SBF2: variants seen among roughly 807,000 people sequenced by gnomAD.
SBF2 encodes SET binding factor 2, also known as myotubularin-related protein 13.
A neutral mutation model predicts 225.2 loss-of-function variants in SBF2; 112 were observed. The observed-to-expected ratio is 0.50, with a 90% confidence interval of 0.43 to 0.58. The LOEUF is 0.58. Among genes scored for constraint, SBF2 ranks in the 20% least tolerant of loss-of-function variants. The pLI, the probability that SBF2 is intolerant of heterozygous loss-of-function variation, is 0.00. For synonymous variants in SBF2, 763 were observed against 773.3 expected, an observed-to-expected ratio of 0.99 and a Z score of 0.22; for missense variants, 1,996 against 2,206.2, an observed-to-expected ratio of 0.90 and a Z score of 1.91.
chr11:9,818,681 A>C (rs1854585411), intron 28 of SBF2, among the ~76,000 whole-genome samples: 1 of 152,222 alleles, frequency 6.6e-6, no homozygotes, highest in African/African-American at 2.4e-5. Flanking sequence ...TCAGGAGACC[A>C]GTTCCCAAGA....
At chr11:10,025,501 A>G (rs1949018130) in intron 6 of SBF2, among the ~76,000 whole-genome samples, 1 of 152,170 alleles carries the variant, frequency 6.6e-6, no homozygotes, top group Non-Finnish European at 1.5e-5. Context: ...GGCCCTTAGG[A>G]AAAAATGGTC....
intron 2 of SBF2, among the ~76,000 whole-genome samples, chr11:10,186,857 A>C (rs962511463): frequency 1.3e-5 from 2 of 152,238 alleles, no homozygotes; most frequent in African/African-American, 4.8e-5. Context: ...AACTGGGGGC[A>C]AAGACCAAAC....
intron 19 of SBF2, among the ~76,000 whole-genome samples, chr11:9,856,006 C>T (rs1314612035): frequency 6.6e-6 from 1 of 152,150 alleles, no homozygotes; most frequent in Non-Finnish European, 1.5e-5. Context: ...GCCTTGCAGG[C>T]CATGGTAAAC....
chr11:9,840,099 C>A (rs975063277), intron 25 of SBF2, among the ~76,000 whole-genome samples: 1 of 151,844 alleles, frequency 6.6e-6, no homozygotes, highest in Non-Finnish European at 1.5e-5. Context: ...CCAGGTGTGG[C>A]GGCAGGCACC....
At chr11:9,930,378 T>G (rs1041000061) in intron 16 of SBF2, among the ~76,000 whole-genome samples, 1 of 152,114 alleles carries the variant, frequency 6.6e-6, no homozygotes, top group Admixed American at 6.5e-5. Context: ...AATTACATAT[T>G]TGATTCCATT....
At chr11:9,974,672 GAAAA>G (rs1485564570) in intron 13 of SBF2, among the ~76,000 whole-genome samples, 1 of 139,726 alleles carries the variant, frequency 7.2e-6, no homozygotes, top group Non-Finnish European at 1.6e-5. Context: ...AAAAAAAAAA[GAAAA>G]GAAAGAAACC....
chr11:10,117,800 G>A (rs949992562), intron 2 of SBF2, among the ~76,000 whole-genome samples: 1 of 150,938 alleles, frequency 6.6e-6, no homozygotes, highest in African/African-American at 2.4e-5. Flanking sequence ...TTATACTTAT[G>A]CAATATGACT....
intron 17 of SBF2, among the ~76,000 whole-genome samples, chr11:9,859,341 T>C (rs138849900): frequency 7.9e-4 from 120 of 152,326 alleles, no homozygotes; most frequent in African/African-American, 2.8e-3. Flanking sequence ...TGAAAAAAAC[T>C]TGTATAACAT....
chr11:10,294,846 GGGCTGGCCTCT>G (rs1964433358), upstream of SBF2, among the ~76,000 whole-genome samples: 1 of 152,176 alleles, frequency 6.6e-6, no homozygotes, highest in Non-Finnish European at 1.5e-5. Flanking sequence ...CTCCCGAACT[GGGCTGGCCTCT>G]CCCTGGGGAG....
rs774083800 is a variant in SBF2, at chr11:9,993,985, T to C, written c.989A>G (p.Asp330Gly). Residue 330 changes from aspartate to glycine, a missense_variant, in exon 10 of 40, where the codon GAT becomes GGT. By Grantham distance (94) the Asp-to-Gly change is moderately conservative. Transcript: ENST00000256190. The stretch of plus-strand genomic sequence containing the variant: ...AAAAGCATGATCTGCTACTTCCAAA[T>C]CTGGGTGTAAAATCTAAAGCAAAAA... The part of the protein sequence containing the change: ...QSALSLILHP[D>G]LEVADHAFPP... 8 of 1,213,802 alleles carry C rather than the reference T, an allele frequency of 6.6e-6. No homozygotes were observed. In the African/African-American group the frequency reaches 1.0e-4, roughly 16 times the overall value. The allele number at this position is 1,213,802 out of a possible 1,614,324, so 75.2% of individuals were successfully genotyped here.
intron 1 of SBF2, among the ~76,000 whole-genome samples, chr11:10,301,170 A>T (rs1383304591): frequency 6.6e-6 from 1 of 152,296 alleles, no homozygotes; most frequent in East Asian, 1.9e-4. Context: ...TGCCCTTACC[A>T]CTATAAACCA....
chr11:9,940,200 G>A (rs1471992241), intron 16 of SBF2, among the ~76,000 whole-genome samples: 5 of 152,032 alleles, frequency 3.3e-5, no homozygotes, highest in East Asian at 1.9e-4. Context: ...TCAAGAGATC[G>A]AGACCATCCT....
intron 17 of SBF2, among the ~76,000 whole-genome samples, chr11:9,892,634 A>G (rs900619951): frequency 3.3e-5 from 5 of 151,146 alleles, no homozygotes; most frequent in African/African-American, 1.2e-4. Context: ...CTCTCGGTTC[A>G]TGGCAACCTC....
At position 10,161,206 on chromosome 11, in the gene SBF2, AAT is replaced by A. The variant is rs201996424; in HGVS notation, c.141+32694_141+32695del. On this transcript the variant is annotated intron_variant, in intron 2 of 39. Transcript: ENST00000256190. ...TCTCAAAAAAAAAAAAAAAAAAAAA[AAT>A]AGGTCATAAGAAAATAGCAGTTTTC... is the stretch of plus-strand genomic sequence containing the variant. Among the ~76,000 whole-genome samples the A allele has an allele frequency of 5.8e-3, 770 of 132,304 alleles. 21 individuals carry two copies. The highest frequency in any genetic ancestry group is 0.035 in the Admixed American group (451 of 13,038). The allele number at this position is 132,304 out of a possible 152,430, so 86.8% of individuals were successfully genotyped here.
rs778402812 is a variant in SBF2, at chr11:9,832,273, A to C, written c.3603T>G (p.His1201Gln). Residue 1201 changes from histidine to glutamine, a missense_variant, in exon 27 of 40, where the codon CAT becomes CAG. His to Gln is a conservative substitution (Grantham distance 24). Transcript: ENST00000256190. ...GTLLLRSGGF[H>Q]GKGVVGLFKS... ...TGAAAAGACCAACGACTCCCTTCCC[A>C]TGGAATCCTCCAGATCGGAGGAGCA... 8 of 1,614,198 alleles carry C rather than the reference A, an allele frequency of 5.0e-6. No homozygotes were observed. Among genetic ancestry groups the C allele is most frequent in the Non-Finnish European group, 2.5e-6 (3 of 1,180,028 alleles).
rs554666648 is a variant in SBF2 at position 9,967,890 on chromosome 11, G to C, written c.1600+451C>G. On this transcript the variant is annotated intron_variant, in intron 14 of 39. Transcript: ENST00000256190. ...AGATCACACCATTGTACTCCAGCCT[G>C]GGCAACAAGGGTGAAACTCAATCTG... 3.3e-5 allele frequency among the ~76,000 whole-genome samples: 5 copies of C among 151,344 alleles called. No individual in the cohort carries two copies. The East Asian group carries it at 9.7e-4, about 29-fold the overall frequency.
intron 16 of SBF2, among the ~76,000 whole-genome samples, chr11:9,913,597 G>T (rs1026113135): frequency 6.6e-6 from 1 of 151,416 alleles, no homozygotes; most frequent in Non-Finnish European, 1.5e-5. Flanking sequence ...AGAATTGCAT[G>T]GCAATGATGT....
rs1554898732 is a variant in SBF2 at position 9,784,419 on chromosome 11, A to G, written c.5251T>C (p.Tyr1751His). Reference protein sequence around the residue: ...DENRSFEGTLYKRGALLKGWK... With the variant: ...DENRSFEGTLHKRGALLKGWK... ...CCTTTCAGCAAAGCCCCTCTTTTATAAAGTGTTCCCTCAAAGGACCTAGAA... is the reference window on the plus strand; with the variant it reads ...CCTTTCAGCAAAGCCCCTCTTTTATGAAGTGTTCCCTCAAAGGACCTAGAA... The change falls in exon 38 of 40, where the codon TAT becomes CAT. Residue 1751 changes from tyrosine to histidine, a missense_variant. By Grantham distance (83) the Tyr-to-His change is moderately conservative. Transcript: ENST00000256190. The G allele has an allele frequency of 6.2e-7, 1 of 1,613,994 alleles. No homozygotes were observed. Among genetic ancestry groups the G allele is most frequent in the South Asian group, 1.1e-5 (1 of 91,080 alleles).
intron 6 of SBF2, among the ~76,000 whole-genome samples, chr11:10,018,622 G>A (rs1283179981): frequency 6.6e-6 from 1 of 152,068 alleles, no homozygotes; most frequent in Non-Finnish European, 1.5e-5. Flanking sequence ...GCCAAAAAAG[G>A]ACAATGGGCA....
Sources: allele counts gnomAD v4.1 joint callset (sites outside exome capture counted in the v4.1 genomes callset), GRCh38; gene constraint gnomAD v4.1.1; transcripts MANE v1.5; gene names NCBI Gene and HGNC (gene_info 2026-07-23, HGNC 2026-07-21).